The following ABHD17C variants were observed in gnomAD, a reference collection of about 807,000 sequenced individuals.
ABHD17C encodes the protein alpha/beta hydrolase domain-containing protein 17C.
Under a neutral mutation model 27.9 loss-of-function variants are expected in ABHD17C, and 11 were observed. That is an observed-to-expected ratio of 0.39 (90% CI 0.25 to 0.65). ABHD17C has a LOEUF of 0.65. ABHD17C is among the 30% of genes least tolerant of loss of function. ABHD17C has a pLI of 0.45. For missense variants in ABHD17C, 280 were observed against 470.2 expected (o/e 0.60, Z 3.74); for synonymous variants, 233 against 209.1 (o/e 1.11, Z -0.98).
intron 1 of ABHD17C, among the ~76,000 whole-genome samples, chr15:80,742,478 C>G (rs1895224063): frequency 6.6e-6 from 1 of 152,178 alleles, no homozygotes; most frequent in African/African-American, 2.4e-5. Context: ...TGTTGTCCAC[C>G]TTTTTGTTCT....
chr15:80,712,219 C>A (rs1361867022), intron 1 of ABHD17C, among the ~76,000 whole-genome samples: 1 of 152,196 alleles, frequency 6.6e-6, no homozygotes, highest in African/African-American at 2.4e-5. Context: ...TCACCCGGAG[C>A]CCAGTACAAT....
At chr15:80,703,659 A>G (rs945251630) in intron 1 of ABHD17C, among the ~76,000 whole-genome samples, 3 of 152,198 alleles carry the variant, frequency 2.0e-5, no homozygotes, top group Non-Finnish European at 2.9e-5. Flanking sequence ...GTGTGTGCAC[A>G]CACACAGCCA....
At chr15:80,733,673 T>C (rs746242613) in intron 1 of ABHD17C, among the ~76,000 whole-genome samples, 17 of 152,180 alleles carry the variant, frequency 1.1e-4, no homozygotes, top group Non-Finnish European at 2.5e-4. Flanking sequence ...AGCATTGCTG[T>C]CTCAGATTCA....
chr15:80,741,662 G>A (rs1042470699), intron 1 of ABHD17C, among the ~76,000 whole-genome samples: 7 of 151,686 alleles, frequency 4.6e-5, no homozygotes, highest in Non-Finnish European at 1.0e-4. Context: ...TTTTTTCTTC[G>A]TAATCTCACA....
intron 1 of ABHD17C, among the ~76,000 whole-genome samples, chr15:80,718,280 A>C (rs1596064338): frequency 6.6e-6 from 1 of 151,638 alleles, no homozygotes; most frequent in Non-Finnish European, 1.5e-5. Context: ...GAAGACTTTA[A>C]AATATTTATC....
chr15:80,739,653 A>T (rs1038496214), intron 1 of ABHD17C, among the ~76,000 whole-genome samples: 12 of 152,192 alleles, frequency 7.9e-5, no homozygotes, highest in African/African-American at 2.9e-4. Flanking sequence ...ACCATCCATG[A>T]GAAAGGCTTC....
Position 80,754,353 on chromosome 15 carries a change from G to A in ABHD17C, c.973G>A (p.Glu325Lys), listed in dbSNP as rs200549811. Residue 325 changes from glutamate (E) to lysine (K), a missense_variant, in exon 3 of 3, where the codon GAA becomes AAA. By Grantham distance (56) the Glu-to-Lys change is moderately conservative. Coordinates refer to ENST00000258884, the MANE Select transcript of ABHD17C (RefSeq NM_021214.2). ...LERLKQFISH[E>K]LPNS ...AAGACTAAAACAGTTCATATCTCAC[G>A]AACTTCCTAATTCCTGAAGACAACA... 4 of 1,612,850 alleles carry A rather than the reference G, an allele frequency of 2.5e-6. No individual in the cohort carries two copies. The highest frequency in any genetic ancestry group is 3.4e-6 in the Non-Finnish European group (4 of 1,179,356).
rs1895118500 is a variant in ABHD17C at position 80,735,534 on chromosome 15, T to G, written c.591-13979T>G. Among the ~76,000 whole-genome samples the G allele has an allele frequency of 2.0e-5, 3 of 152,134 alleles. No homozygotes were observed. In the South Asian group the frequency reaches 6.2e-4, roughly 32 times the overall value. Reference sequence around the variant, plus strand: ...GATCTTGTGTGCGTTCCCAAGCCTTTCCACACTCTGTTTCCTCCTTGTTTT... The same window carrying G: ...GATCTTGTGTGCGTTCCCAAGCCTTGCCACACTCTGTTTCCTCCTTGTTTT... On this transcript the variant is annotated intron_variant, in intron 1 of 2. Coordinates refer to ENST00000258884, the MANE Select transcript of ABHD17C (RefSeq NM_021214.2).
At chr15:80,739,897 G>A (rs576824688) in intron 1 of ABHD17C, among the ~76,000 whole-genome samples, 3 of 152,268 alleles carry the variant, frequency 2.0e-5, no homozygotes, top group African/African-American at 7.2e-5. Context: ...CTTTTGGCCT[G>A]TTCGTCTTTC....
intron 1 of ABHD17C, among the ~76,000 whole-genome samples, chr15:80,719,039 G>C (rs1318877721): frequency 4.9e-4 from 75 of 152,248 alleles, no homozygotes; most frequent in Non-Finnish European, 1.0e-4. Context: ...TGTGTTATTA[G>C]GTATTAGGAT....
At chr15:80,726,496 T>A (rs1894977762) in intron 1 of ABHD17C, among the ~76,000 whole-genome samples, 1 of 145,584 alleles carries the variant, frequency 6.9e-6, no homozygotes, top group Admixed American at 7.4e-5. Flanking sequence ...TTGCTTCTTT[T>A]TCTGGTTTTT....
At position 80,754,679 on chromosome 15, in the gene ABHD17C, C is replaced by T; in HGVS notation, c.*309C>T. ...AGTAGCCTCGCATCTGTTTCTCAAC[C>T]TTATCCATCATTTCTGACATTCATG... On this transcript the variant is annotated 3_prime_UTR_variant, in exon 3 of 3. Coordinates refer to ENST00000258884, the MANE Select transcript of ABHD17C (RefSeq NM_021214.2). The T allele has an allele frequency of 4.0e-6, 1 of 248,960 alleles. No individual in the cohort carries two copies. The allele number at this position is 248,960 out of a possible 1,614,324, so 15.4% of individuals were successfully genotyped here.
intron 1 of ABHD17C, among the ~76,000 whole-genome samples, chr15:80,730,154 G>T (rs1409190506): frequency 6.6e-6 from 1 of 152,058 alleles, no homozygotes; most frequent in African/African-American, 2.4e-5. Flanking sequence ...GAGCAACTAG[G>T]CATAGACATA....
intron 1 of ABHD17C, among the ~76,000 whole-genome samples, chr15:80,721,079 T>C (rs1479649122): frequency 1.3e-5 from 2 of 152,152 alleles, no homozygotes; most frequent in African/African-American, 4.8e-5. Context: ...ACTTCTATTA[T>C]ACTGACCTCT....
At chr15:80,717,397 ATT>A (rs150538003) in intron 1 of ABHD17C, among the ~76,000 whole-genome samples, 12 of 143,810 alleles carry the variant, frequency 8.3e-5, no homozygotes, top group African/African-American at 7.7e-5. Flanking sequence ...ATTACAACAA[ATT>A]TTTTTTTTTT....
chr15:80,709,749 C>T (rs866375993), intron 1 of ABHD17C, among the ~76,000 whole-genome samples: 1 of 152,128 alleles, frequency 6.6e-6, no homozygotes, highest in Admixed American at 6.5e-5. Context: ...GCAGCCCACA[C>T]CTGTGGCCAC....
At chr15:80,732,036 T>C (rs1048648560) in intron 1 of ABHD17C, among the ~76,000 whole-genome samples, 1 of 152,202 alleles carries the variant, frequency 6.6e-6, no homozygotes, top group African/African-American at 2.4e-5. Context: ...TAAAGTGCCA[T>C]TTACATCTGA....
At chr15:80,712,503 AT>A (rs1894741065) in intron 1 of ABHD17C, among the ~76,000 whole-genome samples, 1 of 152,226 alleles carries the variant, frequency 6.6e-6, no homozygotes, top group Non-Finnish European at 1.5e-5. Context: ...GGACTTCTGT[AT>A]AGAAGACAAA....
At chr15:80,731,207 G>A (rs952443098) in intron 1 of ABHD17C, among the ~76,000 whole-genome samples, 1 of 152,092 alleles carries the variant, frequency 6.6e-6, no homozygotes, top group Non-Finnish European at 1.5e-5. Flanking sequence ...TTTAACAACT[G>A]CCCTTGAGTG....
Sources: allele counts gnomAD v4.1 joint callset (sites outside exome capture counted in the v4.1 genomes callset), GRCh38; gene constraint gnomAD v4.1.1; transcripts MANE v1.5; gene names NCBI Gene and HGNC (gene_info 2026-07-23, HGNC 2026-07-21).